The following TTC28 variants were observed in gnomAD, a reference collection of about 807,000 sequenced individuals.
TTC28 encodes tetratricopeptide repeat protein 28.
Under a neutral mutation model 198.0 loss-of-function variants are expected in TTC28, and 61 were observed. That is an observed-to-expected ratio of 0.31 (90% confidence interval 0.25 to 0.38). The LOEUF (loss-of-function observed/expected upper bound fraction) is 0.38, where lower values mean the gene tolerates loss of function less well. Ranked by LOEUF, TTC28 falls within the 10% of genes least tolerant of loss-of-function variation. The pLI, the probability that TTC28 is intolerant of heterozygous loss-of-function variation, is 1.00. For missense variants in TTC28, 2,678 were observed against 3,164.0 expected, an observed-to-expected ratio of 0.85 and a Z score of 3.69; for synonymous variants, 1,171 against 1,297.8, an observed-to-expected ratio of 0.90 and a Z score of 2.10.
At chr22:28,546,128 G>T (rs1413325449) in intron 2 of TTC28, among the ~76,000 whole-genome samples, 2 of 152,194 alleles carry the variant, frequency 1.3e-5, no homozygotes, top group Non-Finnish European at 2.9e-5. Flanking sequence ...CATAAGGATA[G>T]GTATGTAATA....
At chr22:28,541,153 T>C (rs570862303) in intron 2 of TTC28, among the ~76,000 whole-genome samples, 4 of 152,218 alleles carry the variant, frequency 2.6e-5, no homozygotes, top group Non-Finnish European at 5.9e-5. Flanking sequence ...ACCACATCTA[T>C]GCTCTGCCAA....
At chr22:28,497,753 A>G (rs2048477384) in intron 2 of TTC28, among the ~76,000 whole-genome samples, 1 of 152,204 alleles carries the variant, frequency 6.6e-6, no homozygotes, top group Non-Finnish European at 1.5e-5. Flanking sequence ...GATAACTGCT[A>G]AAACTGAAAA....
At chr22:28,023,302 A>G (rs956461851) in intron 13 of TTC28, among the ~76,000 whole-genome samples, 1 of 152,190 alleles carries the variant, frequency 6.6e-6, no homozygotes, top group Non-Finnish European at 1.5e-5. Context: ...TCTTTACTGT[A>G]ACAAGTATGA....
chr22:28,316,506 T>A (rs1569256206), intron 2 of TTC28, among the ~76,000 whole-genome samples: 1 of 152,154 alleles, frequency 6.6e-6, no homozygotes, highest in Non-Finnish European at 1.5e-5. Context: ...GGCATTATGT[T>A]AAATCTATTT....
chr22:28,397,764 T>C (rs2046840316), intron 2 of TTC28, among the ~76,000 whole-genome samples: 1 of 152,142 alleles, frequency 6.6e-6, no homozygotes, highest in African/African-American at 2.4e-5. Context: ...TAGTATAAAA[T>C]CAAGTTTTTG....
At chr22:28,592,848 C>G (rs557814837) in intron 2 of TTC28, among the ~76,000 whole-genome samples, 1 of 152,296 alleles carries the variant, frequency 6.6e-6, no homozygotes, top group African/African-American at 2.4e-5. Flanking sequence ...ATCACAGTCA[C>G]ATTTAGGACA....
At chr22:28,004,565 A>G (rs1462890045) in intron 14 of TTC28, among the ~76,000 whole-genome samples, 1 of 152,222 alleles carries the variant, frequency 6.6e-6, no homozygotes, top group Non-Finnish European at 1.5e-5. Flanking sequence ...TGGCTCATGC[A>G]TACAACCCTG....
chr22:28,302,378 C>T (rs538677635), intron 3 of TTC28, among the ~76,000 whole-genome samples: 4 of 152,306 alleles, frequency 2.6e-5, no homozygotes, highest in Admixed American at 6.5e-5. Context: ...CACACCACTA[C>T]GCCTGCCCTA....
At chr22:28,228,407 A>C (rs1288514658) in intron 5 of TTC28, among the ~76,000 whole-genome samples, 2 of 152,240 alleles carry the variant, frequency 1.3e-5, no homozygotes, top group Admixed American at 6.5e-5. Flanking sequence ...AAATTTTAAA[A>C]ATACATGTTT....
chr22:28,526,537 C>CTATG (rs1435587632), intron 2 of TTC28, among the ~76,000 whole-genome samples: 3 of 152,190 alleles, frequency 2.0e-5, no homozygotes, highest in Non-Finnish European at 4.4e-5. Context: ...CACACCCAGT[C>CTATG]CATACAGTGT....
intron 2 of TTC28, among the ~76,000 whole-genome samples, chr22:28,392,502 G>A (rs1462759827): frequency 6.6e-6 from 1 of 152,224 alleles, no homozygotes; most frequent in Non-Finnish European, 1.5e-5. Flanking sequence ...AGACTCCGTG[G>A]GCGTAGGACC....
At position 27,998,717 on chromosome 22, in the gene TTC28, C is replaced by T. The variant is rs1437804841; in HGVS notation, c.4942G>A (p.Ala1648Thr). Residue 1648 changes from alanine to threonine, a missense_variant, in exon 16 of 23, where the codon GCC becomes ACC. By Grantham distance (58) the Ala-to-Thr change is moderately conservative (BLOSUM62 0). This residue lies in a region of TTC28 where 314 missense variants were observed against 442.7 expected (regional missense o/e 0.71). Coordinates refer to ENST00000397906, the MANE Select transcript of TTC28 (RefSeq NM_001145418.2). ...GACACGAGGACACACTGAGCGCCGG[C>T]AGCCAGGAAGGCCCTTGTCAGCGCG... Reference protein sequence around the residue: ...VIALTRAFLAAGAQCVLVSLW... With the variant: ...VIALTRAFLATGAQCVLVSLW... The T allele has an allele frequency of 6.4e-7, 1 of 1,550,878 alleles. No individual in the cohort carries two copies. Among genetic ancestry groups the T allele is most frequent in the Non-Finnish European group, 8.7e-7 (1 of 1,147,002 alleles).
intron 12 of TTC28, among the ~76,000 whole-genome samples, chr22:28,048,120 TGGGTAAATCCATGCATAATG>T (rs1939939867): frequency 6.6e-6 from 1 of 151,678 alleles, no homozygotes; most frequent in African/African-American, 2.4e-5. Context: ...TTTTTCTGCT[TGGGTAAATCCATGCATAATG>T]GGGTTCCTGG....
intron 2 of TTC28, among the ~76,000 whole-genome samples, chr22:28,397,622 A>G (rs985849281): frequency 1.3e-5 from 2 of 152,198 alleles, no homozygotes; most frequent in Non-Finnish European, 2.9e-5. Flanking sequence ...CTGAACCATT[A>G]CTGATTTGTT....
intron 5 of TTC28, among the ~76,000 whole-genome samples, chr22:28,193,223 G>C (rs1039229837): frequency 3.9e-5 from 6 of 152,186 alleles, no homozygotes; most frequent in East Asian, 1.9e-4. Context: ...ATCCTTTACA[G>C]ACAAGCGAAT....
intron 2 of TTC28, among the ~76,000 whole-genome samples, chr22:28,596,798 G>A (rs888765173): frequency 2.6e-5 from 4 of 152,154 alleles, no homozygotes; most frequent in African/African-American, 9.7e-5. Context: ...CTCATGATGA[G>A]TGCCAGACAG....
chr22:28,581,963 A>C (rs1321922914), intron 2 of TTC28, among the ~76,000 whole-genome samples: 1 of 152,182 alleles, frequency 6.6e-6, no homozygotes, highest in Non-Finnish European at 1.5e-5. Flanking sequence ...ACACTTTGGC[A>C]AGCACAATGT....
At chr22:28,074,743 TTA>T (rs1941111524) in intron 12 of TTC28, among the ~76,000 whole-genome samples, 1 of 150,194 alleles carries the variant, frequency 6.7e-6, no homozygotes, top group South Asian at 2.1e-4. Flanking sequence ...ATTCACCAGA[TTA>T]TCCCCCCCCA....
intron 9 of TTC28, among the ~76,000 whole-genome samples, chr22:28,099,346 TAGCTC>T (rs1942072931): frequency 6.6e-6 from 1 of 152,214 alleles, no homozygotes; most frequent in Admixed American, 6.5e-5. Context: ...AGCTCGTCCT[TAGCTC>T]AGAGCCACTA....
Sources: allele counts gnomAD v4.1 joint callset (sites outside exome capture counted in the v4.1 genomes callset), GRCh38; gene constraint gnomAD v4.1.1; regional missense constraint gnomAD v4.1.1; transcripts MANE v1.5; gene names NCBI Gene and HGNC (gene_info 2026-07-23, HGNC 2026-07-21).